The following PLGRKT variants were observed in gnomAD, a reference collection of about 807,000 sequenced individuals.
The protein encoded by PLGRKT is plasminogen receptor with a C-terminal lysine.
PLGRKT carries 22 observed loss-of-function variants against 18.5 expected under a neutral mutation model. The ratio of observed to expected loss-of-function variants is 1.19; its 90% CI spans 0.85 to 1.70. PLGRKT has a LOEUF of 1.70. Ranked by LOEUF, PLGRKT falls within the 40% of genes most tolerant of loss-of-function variation. PLGRKT has a pLI of 0.00. For synonymous variants in PLGRKT, 72 were observed against 52.8 expected, an observed-to-expected ratio of 1.36 and a Z score of -1.58; for missense variants, 235 against 174.4, an observed-to-expected ratio of 1.35 and a Z score of -1.96.
intron 3 of PLGRKT, among the ~76,000 whole-genome samples, chr9:5,430,651 C>G (rs1563792394): frequency 1.3e-5 from 2 of 152,172 alleles, no homozygotes; most frequent in Admixed American, 6.5e-5. Flanking sequence ...ACAAGTCACA[C>G]AGTTAGTCAA....
chr9:5,419,706 A>C lies in PLGRKT; in HGVS notation c.81+12191T>G, dbSNP rs186902537. On this transcript the variant is annotated intron_variant, in intron 3 of 5. Transcript: ENST00000223864. ...AGATGACTAGAATTTGGGGGGAAAA[A>C]AAAAGAGAGAGAGAAAATAAGATTT... 7.9e-5 allele frequency among the ~76,000 whole-genome samples: 12 copies of C among 152,362 alleles called. No homozygotes were observed. The East Asian group carries it at 2.3e-3, about 29-fold the overall frequency.
intron 3 of PLGRKT, among the ~76,000 whole-genome samples, chr9:5,396,354 C>T (rs775783449): frequency 6.7e-6 from 1 of 149,476 alleles, no homozygotes; most frequent in African/African-American, 2.5e-5. Context: ...GGTGTGATCT[C>T]GGCTCACTGC....
At position 5,418,813 on chromosome 9, in the gene PLGRKT, C is replaced by T; in HGVS notation, c.81+13084G>A. The T allele has an allele frequency of 2.1e-6, 2 of 954,308 alleles. No homozygotes were observed. The highest frequency in any genetic ancestry group is 1.4e-5 in the South Asian group (1 of 73,514). The allele number at this position is 954,308 out of a possible 1,614,324, so 59.1% of individuals were successfully genotyped here. On this transcript the variant is annotated intron_variant, in intron 3 of 5. Transcript: ENST00000223864. The surrounding 1 kb of genome is among the most constrained non-coding windows in gnomAD (Gnocchi z 4.2). ...GAAGTCAGGGGGCAGCTTGGTGACACCGCTGCACCAGGGGCATCGCACATC... is the reference window on the plus strand; with the variant it reads ...GAAGTCAGGGGGCAGCTTGGTGACATCGCTGCACCAGGGGCATCGCACATC...
chr9:5,367,020 T>TATACACAC (rs1817403985), intron 3 of PLGRKT, among the ~76,000 whole-genome samples: 1 of 58,162 alleles, frequency 1.7e-5, no homozygotes, highest in African/African-American at 5.9e-5. Flanking sequence ...GACAGACAGA[T>TATACACAC]ACACACACAT....
chr9:5,398,521 A>G (rs1379774387), intron 3 of PLGRKT, among the ~76,000 whole-genome samples: 13 of 151,872 alleles, frequency 8.6e-5, no homozygotes, highest in African/African-American at 2.9e-4. Flanking sequence ...TTGGAGAAGG[A>G]AGTCCACAGA....
chr9:5,423,081 C>T (rs1818608649), intron 3 of PLGRKT, among the ~76,000 whole-genome samples: 1 of 152,130 alleles, frequency 6.6e-6, no homozygotes, highest in Non-Finnish European at 1.5e-5. Context: ...GATATGGCTC[C>T]ATAGTCTGCT....
At chr9:5,370,331 C>A (rs1388770732) in intron 3 of PLGRKT, among the ~76,000 whole-genome samples, 1 of 152,150 alleles carries the variant, frequency 6.6e-6, no homozygotes, top group East Asian at 1.9e-4. Context: ...CTATTTAATA[C>A]AATTTTCCCC....
chr9:5,358,920 T>A (rs1443847060), intron 5 of PLGRKT, among the ~76,000 whole-genome samples: 1 of 152,178 alleles, frequency 6.6e-6, no homozygotes, highest in African/African-American at 2.4e-5. Flanking sequence ...TTGGGCCCAG[T>A]GACATTTGCC....
chr9:5,431,402 T>C (rs969031706), intron 3 of PLGRKT, among the ~76,000 whole-genome samples: 18 of 151,922 alleles, frequency 1.2e-4, no homozygotes, highest in Middle Eastern at 6.8e-3. Flanking sequence ...GGAGTGGTGG[T>C]GCATGCCTGC....
At chr9:5,379,169 T>G (rs965999781) in intron 3 of PLGRKT, among the ~76,000 whole-genome samples, 10 of 152,230 alleles carry the variant, frequency 6.6e-5, no homozygotes, top group African/African-American at 2.4e-4. Flanking sequence ...TTACAGATTT[T>G]CTATATGCCA....
chr9:5,418,346 A>G lies in PLGRKT; in HGVS notation c.81+13551T>C, dbSNP rs1818504458. The G allele has an allele frequency of 4.5e-6, 3 of 673,104 alleles. No individual in the cohort carries two copies. The highest frequency in any genetic ancestry group is 5.4e-6 in the Non-Finnish European group (2 of 371,098). 41.7% of individuals were successfully genotyped at this position (673,104 alleles called of 1,614,324 possible). On this transcript the variant is annotated intron_variant, in intron 3 of 5. Coordinates refer to ENST00000223864, the MANE Select transcript of PLGRKT (RefSeq NM_018465.4). The surrounding 1 kb of genome is among the most constrained non-coding windows in gnomAD (Gnocchi z 4.2). ...CTCAACCCCTAAGTTGGCACCCACA[A>G]GAGACTTCCCTGCAGCCCTCTCCAG...
At chr9:5,381,026 C>T (rs889984701) in intron 3 of PLGRKT, among the ~76,000 whole-genome samples, 2 of 152,176 alleles carry the variant, frequency 1.3e-5, no homozygotes, top group African/African-American at 4.8e-5. Flanking sequence ...GAAAGATGTG[C>T]GTTGTTTCTC....
At chr9:5,365,116 CA>C (rs34685976) in intron 3 of PLGRKT, among the ~76,000 whole-genome samples, 115,700 of 151,534 alleles carry the variant, frequency 0.76, 45,028 homozygotes, top group African/African-American at 0.93. Flanking sequence ...TTCTACTCTC[CA>C]AAAAAAAATA....
chr9:5,412,228 T>C (rs924740885), intron 3 of PLGRKT, among the ~76,000 whole-genome samples: 2 of 152,182 alleles, frequency 1.3e-5, no homozygotes, highest in Admixed American at 6.5e-5. Flanking sequence ...ATAAGTGGTA[T>C]AGGTACCACA....
At chr9:5,392,967 G>C (rs956850617) in intron 3 of PLGRKT, among the ~76,000 whole-genome samples, 1 of 151,286 alleles carries the variant, frequency 6.6e-6, no homozygotes. Flanking sequence ...TCAGCCTCCC[G>C]AGTAGCTGTG....
chr9:5,419,918 A>G (rs1471856689), intron 3 of PLGRKT, among the ~76,000 whole-genome samples: 1 of 152,252 alleles, frequency 6.6e-6, no homozygotes, highest in Admixed American at 6.5e-5. Flanking sequence ...AAAAACTGGT[A>G]TAAGAATGTT....
chr9:5,358,050 T>G lies in PLGRKT; in HGVS notation c.*189A>C, dbSNP rs1032608523. 2 of 453,546 alleles carry G rather than the reference T, an allele frequency of 4.4e-6. No homozygotes were observed. Among genetic ancestry groups the G allele is most frequent in the Non-Finnish European group, 7.8e-6 (2 of 257,620 alleles). The allele number at this position is 453,546 out of a possible 1,614,324, so 28.1% of individuals were successfully genotyped here. On this transcript the variant is annotated 3_prime_UTR_variant, in exon 6 of 6. Coordinates refer to ENST00000223864, the MANE Select transcript of PLGRKT (RefSeq NM_018465.4). The stretch of plus-strand genomic sequence containing the variant: ...ACAGAGAGAGGAAATCTAAAAGTTA[T>G]TTAGAGCACCTCCATGATTTTGTGT...
intron 3 of PLGRKT, among the ~76,000 whole-genome samples, chr9:5,393,060 T>A (rs1817979400): frequency 6.6e-6 from 1 of 151,770 alleles, no homozygotes; most frequent in African/African-American, 2.4e-5. Flanking sequence ...CAGGCTGGTC[T>A]CAAACTTCTG....
intron 3 of PLGRKT, among the ~76,000 whole-genome samples, chr9:5,399,961 G>C (rs1353510972): frequency 6.6e-6 from 1 of 151,736 alleles, no homozygotes. Flanking sequence ...CTGCACTCCA[G>C]TCTGGGCGAC....
Sources: allele counts gnomAD v4.1 joint callset (sites outside exome capture counted in the v4.1 genomes callset), GRCh38; gene constraint gnomAD v4.1.1; non-coding constraint Gnocchi (gnomAD v3.1); transcripts MANE v1.5; gene names NCBI Gene and HGNC (gene_info 2026-07-23, HGNC 2026-07-21).